The following PPM1G variants were observed in gnomAD, a reference collection of about 807,000 sequenced individuals.
PPM1G encodes protein phosphatase 1G.
In PPM1G, 12 loss-of-function variants were observed where a neutral mutation model predicts 59.4. That is an observed-to-expected ratio of 0.20 (90% confidence interval 0.13 to 0.33). The LOEUF (loss-of-function observed/expected upper bound fraction) is 0.33. Ranked by LOEUF, PPM1G falls within the 10% of genes least tolerant of loss-of-function variation. The probability of loss-of-function intolerance (pLI) is 1.00; values close to 1 mark genes in which losing one functional copy is unlikely to be tolerated. For missense variants in PPM1G, 392 were observed against 681.3 expected (o/e 0.58, Z 4.73); for synonymous variants, 245 against 251.9 (o/e 0.97, Z 0.26).
intron 1 of PPM1G, among the ~76,000 whole-genome samples, chr2:27,390,424 T>C (rs943994821): frequency 5.5e-4 from 83 of 152,292 alleles, no homozygotes; most frequent in African/African-American, 1.9e-3. Context: ...TGTAATAACC[T>C]TAACAGCAAT....
intron 1 of PPM1G, chr2:27,393,220 T>G: frequency 6.4e-7 from 1 of 1,562,312 alleles, no homozygotes; most frequent in Non-Finnish European, 8.7e-7. Flanking sequence ...GCAAAGTTCT[T>G]CAAAGCCACA....
rs1558315990 is a variant in PPM1G at position 27,383,383 on chromosome 2, T to C, written c.1184A>G (p.Asn395Ser). 1 of 1,614,062 alleles carries C rather than the reference T, an allele frequency of 6.2e-7. No homozygotes were observed. Among genetic ancestry groups the C allele is most frequent in the Non-Finnish European group, 8.5e-7 (1 of 1,179,996 alleles). Residue 395 changes from asparagine (N) to serine (S), a missense_variant, in exon 7 of 10, where the codon AAC (asparagine) becomes AGC (serine). Asn to Ser is a conservative substitution (Grantham distance 46, BLOSUM62 1). Transcript: ENST00000344034. The surrounding 1 kb of genome is among the most constrained non-coding windows in gnomAD (Gnocchi z 5.0). ...GCCCTTACCAATGGCTCTGGAGAGG[T>C]TGAGGCCCCCGTTGACTCGCCCATC... ...TMDGRVNGGL[N>S]LSRAIGDHFY...
At chr2:27,397,490 A>G (rs1684080040) in intron 1 of PPM1G, among the ~76,000 whole-genome samples, 1 of 152,226 alleles carries the variant, frequency 6.6e-6, no homozygotes, top group African/African-American at 2.4e-5. Context: ...ATACACATTG[A>G]TCAAATAAGA....
intron 1 of PPM1G, among the ~76,000 whole-genome samples, chr2:27,398,060 T>C (rs1684092162): frequency 6.6e-6 from 1 of 152,076 alleles, no homozygotes; most frequent in Admixed American, 6.6e-5. Flanking sequence ...AATTGACAAA[T>C]TAATCCTAAA....
At chr2:27,409,273 C>G in intron 1 of PPM1G, 30 bp downstream of exon 1, 1 of 1,545,814 alleles carries the variant, frequency 6.5e-7, no homozygotes, top group South Asian at 1.2e-5. Flanking sequence ...CGCCCCGCAG[C>G]GGCCAGCCTA....
Position 27,383,741 on chromosome 2 carries a change from T to C in PPM1G, c.967-141A>G. 1 of 1,158,828 alleles carries C rather than the reference T, an allele frequency of 8.6e-7. No individual in the cohort carries two copies. Among genetic ancestry groups the C allele is most frequent in the Non-Finnish European group, 1.2e-6 (1 of 829,180 alleles). The allele number at this position is 1,158,828 out of a possible 1,614,324, so 71.8% of individuals were successfully genotyped here. A position where few individuals can be genotyped will look rare whatever the true frequency, so the allele number is the denominator to read the frequency against. On this transcript the variant is annotated intron_variant, in intron 6 of 9. Coordinates refer to ENST00000344034, the MANE Select transcript of PPM1G (RefSeq NM_177983.3). This position sits in a 1 kb window ranked among gnomAD's most constrained non-coding sequence, Gnocchi z 5.0. ...AAACAGGAGAAGCACACATTTCATC[T>C]TTCTAGAGACAGCAGCACACTCCCT...
intron 1 of PPM1G, chr2:27,393,199 G>C (rs1330502120): frequency 9.1e-6 from 14 of 1,537,982 alleles, no homozygotes; most frequent in Non-Finnish European, 1.2e-5. Flanking sequence ...GATTGGTGAA[G>C]AAAGTATTTG....
At chr2:27,402,687 T>C (rs993265401) in intron 1 of PPM1G, among the ~76,000 whole-genome samples, 17 of 151,780 alleles carry the variant, frequency 1.1e-4, no homozygotes, top group Admixed American at 8.6e-4. Flanking sequence ...CGGGCGCCTG[T>C]AGTCCAGCTA....
In PPM1G at chr2:27,385,498, AG is replaced by A; in HGVS notation, c.409+248del. Reference sequence around the variant, plus strand: ...AAGCACATAAATACTAGCAGGAACCAGGAAGACCCCATCACAATGACAAAAG... The same window carrying A: ...AAGCACATAAATACTAGCAGGAACCAGAAGACCCCATCACAATGACAAAAG... On this transcript the variant is annotated intron_variant, in intron 4 of 9. Transcript: ENST00000344034. The surrounding 1 kb of genome is among the most constrained non-coding windows in gnomAD (Gnocchi z 4.1). 1 of 492,040 alleles carries A rather than the reference AG, an allele frequency of 2.0e-6. No individual in the cohort carries two copies. 30.5% of individuals were successfully genotyped at this position (492,040 alleles called of 1,614,324 possible).
Position 27,409,204 on chromosome 2 carries a change from A to G in PPM1G, c.120+99T>C, listed in dbSNP as rs1432486110. ...ACGGCCGCTGCGGCCGCAGGCTCCC[A>G]ATTGGGACCCTTCCCAGGGGAGGAC... On this transcript the variant is annotated intron_variant, in intron 1 of 9. Coordinates refer to ENST00000344034, the MANE Select transcript of PPM1G (RefSeq NM_177983.3). 7 of 1,437,492 alleles carry G rather than the reference A, an allele frequency of 4.9e-6. No individual in the cohort carries two copies. In the African/African-American group the frequency reaches 7.5e-5, roughly 15 times the overall value. 89.0% of individuals were successfully genotyped at this position (1,437,492 alleles called of 1,614,324 possible). A position where few individuals can be genotyped will look rare whatever the true frequency, so the allele number is the denominator to read the frequency against.
In PPM1G at chr2:27,383,630, G is replaced by T. The variant is rs1463803330; in HGVS notation, c.967-30C>A. The T allele has an allele frequency of 6.3e-7, 1 of 1,577,830 alleles. No individual in the cohort carries two copies. Among genetic ancestry groups the T allele is most frequent in the Non-Finnish European group, 8.6e-7 (1 of 1,158,484 alleles). ...AGAGGAAGAAAAGGAGCATCATGGG[G>T]GCTTCTGAACATGCGTTCCTCACTG... On this transcript the variant is annotated intron_variant, in intron 6 of 9. Coordinates refer to ENST00000344034, the MANE Select transcript of PPM1G (RefSeq NM_177983.3). This position sits in a 1 kb window ranked among gnomAD's most constrained non-coding sequence, Gnocchi z 5.0.
chr2:27,403,254 G>A (rs1394179319), intron 1 of PPM1G, among the ~76,000 whole-genome samples: 2 of 151,068 alleles, frequency 1.3e-5, no homozygotes, highest in Admixed American at 6.6e-5. Flanking sequence ...GACCAGACTC[G>A]CCAGCATGGG....
intron 1 of PPM1G, among the ~76,000 whole-genome samples, chr2:27,398,832 G>GA (rs895893906): frequency 2.7e-4 from 39 of 145,864 alleles, no homozygotes; most frequent in African/African-American, 6.8e-4. Context: ...AAAAAAAAAA[G>GA]AAAAAAAAAG....
At position 27,409,518 on chromosome 2, in the gene PPM1G, C is replaced by G; in HGVS notation, c.-96G>C. The G allele has an allele frequency of 1.5e-6, 2 of 1,324,748 alleles. No homozygotes were observed. The highest frequency in any genetic ancestry group is 3.9e-5 in the South Asian group (2 of 51,550). 82.1% of individuals were successfully genotyped at this position (1,324,748 alleles called of 1,614,324 possible). A position where few individuals can be genotyped will look rare whatever the true frequency, so the allele number is the denominator to read the frequency against. On this transcript the variant is annotated 5_prime_UTR_variant, in exon 1 of 10. Transcript: ENST00000344034. Reference sequence around the variant, plus strand: ...GGGTGCGCGCGGCAGGAGCAGGCCCCGCGGCGCGACCGACGCAAGGTGCCG... The same window carrying G: ...GGGTGCGCGCGGCAGGAGCAGGCCCGGCGGCGCGACCGACGCAAGGTGCCG...
intron 1 of PPM1G, among the ~76,000 whole-genome samples, chr2:27,396,863 T>G (rs1328156868): frequency 6.7e-6 from 1 of 150,294 alleles, no homozygotes. Context: ...GTAATTTTTA[T>G]GTTATGAAAA....
In PPM1G at chr2:27,382,656, G is replaced by T; in HGVS notation, c.1202-51C>A. 6.2e-7 allele frequency: 1 copy of T among 1,605,730 alleles called. No homozygotes were observed. The highest frequency in any genetic ancestry group is 8.5e-7 in the Non-Finnish European group (1 of 1,173,562). On this transcript the variant is annotated intron_variant, in intron 7 of 9. Transcript: ENST00000344034. This position sits in a 1 kb window ranked among gnomAD's most constrained non-coding sequence, Gnocchi z 4.2. ...CAGTTTGGATACTTCCCACAGACTT[G>T]TGTTTGTGGCAGGTCAAACCTTGCC...
chr2:27,390,560 A>G (rs1011083803), intron 1 of PPM1G, among the ~76,000 whole-genome samples: 3 of 152,132 alleles, frequency 2.0e-5, no homozygotes, highest in Non-Finnish European at 4.4e-5. Context: ...TCTCAACAAC[A>G]ACAACAACAT....
chr2:27,381,885 TTGCTGAGTCAGGG>T, intron 9 of PPM1G, 80 bp from the exon 10 acceptor site: 1 of 1,453,322 alleles, frequency 6.9e-7, no homozygotes, highest in Non-Finnish European at 9.6e-7. Context: ...GAGGGCTGGC[TTGCTGAGTCAGGG>T]TGGTAGGAGA....
intron 1 of PPM1G, among the ~76,000 whole-genome samples, chr2:27,403,321 C>T (rs1337180159): frequency 6.6e-6 from 1 of 151,936 alleles, no homozygotes; most frequent in Non-Finnish European, 1.5e-5. Context: ...TGGCGAGTGC[C>T]TGTAATCCCA....
Sources: allele counts gnomAD v4.1 joint callset (sites outside exome capture counted in the v4.1 genomes callset), GRCh38; gene constraint gnomAD v4.1.1; non-coding constraint Gnocchi (gnomAD v3.1); transcripts MANE v1.5; gene names NCBI Gene and HGNC (gene_info 2026-07-23, HGNC 2026-07-21).